Variants in PACS2 observed in about 807,000 individuals in gnomAD.
PACS2 encodes phosphofurin acidic cluster sorting protein 2.
A neutral mutation model predicts 113.0 loss-of-function variants in PACS2; 36 were observed. The observed-to-expected ratio is 0.32, with a 90% confidence interval of 0.24 to 0.42. The LOEUF is 0.42. PACS2 is among the 10% of genes least tolerant of loss of function. The pLI is 1.00. For synonymous variants in PACS2, 589 were observed against 536.1 expected (o/e 1.10, Z -1.36); for missense variants, 1,015 against 1,239.5 (o/e 0.82, Z 2.72).
chr14:105,326,772 T>C (rs1163680828), intron 1 of PACS2, among the ~76,000 whole-genome samples: 2 of 152,174 alleles, frequency 1.3e-5, no homozygotes, highest in Non-Finnish European at 2.9e-5. Flanking sequence ...CTGAGCGTGC[T>C]TTCTGCTATG....
At chr14:105,312,498 C>T (rs371348153), upstream of PACS2, among the ~76,000 whole-genome samples, 7 of 152,314 alleles carry the variant, frequency 4.6e-5, no homozygotes, top group African/African-American at 1.7e-4. Context: ...TGTCTCAAAC[C>T]AAGTTCCTGC....
chr14:105,324,192 G>A lies in PACS2; in HGVS notation c.119+9155G>A, dbSNP rs1174866272. 6.6e-6 allele frequency among the ~76,000 whole-genome samples: 1 copy of A among 152,234 alleles called. No homozygotes were observed. ...TCAGGAAGGTTTGATGGAGTGGGCAGCTGCGGTGCTGTGGCGGGGTCGGGG... is the reference window on the plus strand; with the variant it reads ...TCAGGAAGGTTTGATGGAGTGGGCAACTGCGGTGCTGTGGCGGGGTCGGGG... On this transcript the variant is annotated intron_variant, in intron 1 of 24. Coordinates refer to ENST00000447393, the MANE Select transcript of PACS2 (RefSeq NM_001100913.3). The surrounding 1 kb of genome is among the most constrained non-coding windows in gnomAD (Gnocchi z 4.7).
In PACS2 at chr14:105,358,162, C is replaced by G. The variant is rs2060527704; in HGVS notation, c.423+2985C>G. On this transcript the variant is annotated intron_variant, in intron 4 of 24. Coordinates refer to ENST00000447393, the MANE Select transcript of PACS2 (RefSeq NM_001100913.3). This position sits in a 1 kb window ranked among gnomAD's most constrained non-coding sequence, Gnocchi z 4.9. ...TTCTGTGTGAGCTGAGGCCCAGAGC[C>G]CTGGACTTACTCTGAGGCTGAGGAA... 6.6e-6 allele frequency among the ~76,000 whole-genome samples: 1 copy of G among 152,204 alleles called. No homozygotes were observed. The highest frequency in any genetic ancestry group is 2.1e-4 in the South Asian group (1 of 4,836).
chr14:105,315,286 C>T lies in PACS2; in HGVS notation c.119+249C>T, dbSNP rs1026570573. On this transcript the variant is annotated intron_variant, in intron 1 of 24. Transcript: ENST00000447393. The surrounding 1 kb of genome is among the most constrained non-coding windows in gnomAD (Gnocchi z 4.4). ...TTCCGAGGACCCGGTGCTGCTCAGA[C>T]CCGGCGGGACCTTGGGGCTCCCGGG... The T allele has an allele frequency of 1.3e-5, 2 of 158,754 alleles. No homozygotes were observed. Among genetic ancestry groups the T allele is most frequent in the African/African-American group, 2.4e-5 (1 of 41,576 alleles). 9.8% of individuals were successfully genotyped at this position (158,754 alleles called of 1,614,324 possible).
At position 105,317,845 on chromosome 14, in the gene PACS2, G is replaced by C. The variant is rs1275136378; in HGVS notation, c.119+2808G>C. Among the ~76,000 whole-genome samples, 1 of 152,174 alleles carries C rather than the reference G, an allele frequency of 6.6e-6. No individual in the cohort carries two copies. The highest frequency in any genetic ancestry group is 1.5e-5 in the Non-Finnish European group (1 of 68,038). ...CTCCTTCTGGGAGGCAGCCGGAGAAGTCTGCCCCCGGGAGCTTGAACTGGG... is the reference window on the plus strand; with the variant it reads ...CTCCTTCTGGGAGGCAGCCGGAGAACTCTGCCCCCGGGAGCTTGAACTGGG... On this transcript the variant is annotated intron_variant, in intron 1 of 24. Transcript: ENST00000447393. The surrounding 1 kb of genome is among the most constrained non-coding windows in gnomAD (Gnocchi z 4.2).
At chr14:105,302,191 C>CT (rs1301479101) in intron 1 of PACS2, among the ~76,000 whole-genome samples, 79 of 149,174 alleles carry the variant, frequency 5.3e-4, no homozygotes, top group Non-Finnish European at 8.9e-4. Flanking sequence ...ACCCCACCCT[C>CT]TTTTTTTTCT....
chr14:105,325,176 G>GC (rs956124611), intron 1 of PACS2, among the ~76,000 whole-genome samples: 1 of 151,640 alleles, frequency 6.6e-6, no homozygotes, highest in African/African-American at 2.4e-5. Flanking sequence ...GGACGGGGGG[G>GC]GGCTCGGACA....
chr14:105,314,844 C>A lies in PACS2; in HGVS notation c.-75C>A. On this transcript the variant is annotated 5_prime_UTR_variant, in exon 1 of 25. Transcript: ENST00000447393. ...TGTGACCGCGCCGCCGCCCTCCGCGCGCCCGGCCCGCCCGCCGCGCGTCCG... is the reference window on the plus strand; with the variant it reads ...TGTGACCGCGCCGCCGCCCTCCGCGAGCCCGGCCCGCCCGCCGCGCGTCCG... 2 of 603,304 alleles carry A rather than the reference C, an allele frequency of 3.3e-6. No individual in the cohort carries two copies. The highest frequency in any genetic ancestry group is 4.1e-6 in the Non-Finnish European group (2 of 485,518). The allele number at this position is 603,304 out of a possible 1,614,324, so 37.4% of individuals were successfully genotyped here.
rs1250511668 is a variant in PACS2, at chr14:105,366,421, C to T, written c.424-792C>T. On this transcript the variant is annotated intron_variant, in intron 4 of 24. Transcript: ENST00000447393. This position sits in a 1 kb window ranked among gnomAD's most constrained non-coding sequence, Gnocchi z 4.3. ...GATGTGAACCGATAGCCCCAAAAGG[C>T]GGCTTCTAGAGCACAGCTGGCCCCA... Among the ~76,000 whole-genome samples the T allele has an allele frequency of 9.9e-5, 15 of 152,234 alleles. No homozygotes were observed. The highest frequency in any genetic ancestry group is 3.1e-4 in the African/African-American group (13 of 41,464).
In PACS2 at chr14:105,379,803, C is replaced by T. The variant is rs782535850; in HGVS notation, c.1024C>T (p.Arg342Cys). ...QTEIGSIHSA[R>C]SHKEPPSPAD... is the part of the protein sequence containing the mutation. The stretch of plus-strand genomic sequence containing the variant: ...GGAGATTGGGAGCATCCACAGCGCC[C>T]GCAGCCACAAGGAGCCCCCAAGCCC... The change falls in exon 10 of 25, where the codon CGC becomes TGC. Residue 342 changes from arginine to cysteine, a missense_variant. Arg to Cys is a radical substitution (Grantham distance 180, BLOSUM62 -3). Around this residue, in one of 3 missense-constraint regions of PACS2, gnomAD observed 859 missense variants for 1,056.8 expected, o/e 0.81. Coordinates refer to ENST00000447393, the MANE Select transcript of PACS2 (RefSeq NM_001100913.3). 2.7e-5 allele frequency: 43 copies of T among 1,613,462 alleles called. No homozygotes were observed. The Admixed American group carries it at 6.3e-4, about 24-fold the overall frequency.
rs587600898 is a variant in PACS2 at position 105,327,261 on chromosome 14, G to T, written c.119+12224G>T. On this transcript the variant is annotated intron_variant, in intron 1 of 24. Coordinates refer to ENST00000447393, the MANE Select transcript of PACS2 (RefSeq NM_001100913.3). Reference sequence around the variant, plus strand: ...GGAAGGAGGGCAGGCCTTGGGGAGGGGTCCAGGAAGGTCGAGAGGCTGCAG... The same window carrying T: ...GGAAGGAGGGCAGGCCTTGGGGAGGTGTCCAGGAAGGTCGAGAGGCTGCAG... Among the ~76,000 whole-genome samples the T allele has an allele frequency of 5.3e-5, 8 of 152,338 alleles. No individual in the cohort carries two copies. In the South Asian group the frequency reaches 1.7e-3, roughly 32 times the overall value.
chr14:105,329,911 A>G lies in PACS2; in HGVS notation c.119+14874A>G, dbSNP rs2059240784. On this transcript the variant is annotated intron_variant, in intron 1 of 24. Transcript: ENST00000447393. This position sits in a 1 kb window ranked among gnomAD's most constrained non-coding sequence, Gnocchi z 6.4. ...AGCCCAGGAGCCAAGCACAGCCAGG[A>G]GATGAAACCCATCCCTGTGGTCTGC... 6.6e-6 allele frequency among the ~76,000 whole-genome samples: 1 copy of G among 152,124 alleles called. No individual in the cohort carries two copies. Among genetic ancestry groups the G allele is most frequent in the Non-Finnish European group, 1.5e-5 (1 of 68,002 alleles).
chr14:105,392,435 C>T, intron 22 of PACS2, 184 bp from the exon 23 acceptor site: 1 of 605,788 alleles, frequency 1.7e-6, no homozygotes, highest in Non-Finnish European at 2.9e-6. Context: ...TTAAGCAGGA[C>T]CCTTGTGGGG....
intron 1 of PACS2, among the ~76,000 whole-genome samples, chr14:105,320,332 T>C (rs587629564): frequency 6.6e-4 from 100 of 152,274 alleles, no homozygotes; most frequent in African/African-American, 2.4e-3. Context: ...TTAAGCATGT[T>C]GTATTACCCT....
rs1198183713 is a variant in PACS2 at position 105,330,292 on chromosome 14, C to G, written c.119+15255C>G. 6.8e-6 allele frequency among the ~76,000 whole-genome samples: 1 copy of G among 146,500 alleles called. No homozygotes were observed. The highest frequency in any genetic ancestry group is 1.5e-5 in the Non-Finnish European group (1 of 66,728). The stretch of plus-strand genomic sequence containing the variant: ...GTGTGGGACGGAATGGGGACAGGAG[C>G]CTCCGAGAAGCCTGGGGTCCGTGTG... On this transcript the variant is annotated intron_variant, in intron 1 of 24. Coordinates refer to ENST00000447393, the MANE Select transcript of PACS2 (RefSeq NM_001100913.3). The surrounding 1 kb of genome is among the most constrained non-coding windows in gnomAD (Gnocchi z 6.9).
At chr14:105,349,488 T>G (rs1267607456) in intron 2 of PACS2, among the ~76,000 whole-genome samples, 1 of 152,200 alleles carries the variant, frequency 6.6e-6, no homozygotes, top group Non-Finnish European at 1.5e-5. Context: ...CTGGCCGGAT[T>G]CTTGACACCT....
intron 1 of PACS2, among the ~76,000 whole-genome samples, chr14:105,334,517 A>G (rs1183429774): frequency 5.3e-5 from 8 of 150,162 alleles, no homozygotes; most frequent in Non-Finnish European, 1.2e-4. Flanking sequence ...CTGAGGCCCA[A>G]TATGTGCGTA....
Position 105,368,093 on chromosome 14 carries a change from G to A in PACS2, c.606G>A (p.Glu202=), listed in dbSNP as rs1595717943. Residue 202 remains glutamate, a synonymous_variant, in exon 6 of 25, where the codon GAG becomes GAA. Coordinates refer to ENST00000447393, the MANE Select transcript of PACS2 (RefSeq NM_001100913.3). ...CCGCAGATAACTACTCCGAGGAGGA[G>A]TATGAGAGCTTCTCCTCCGAGCAGG... ...AKSTDNYSEE[E]YESFSSEQEA... The A allele has an allele frequency of 1.2e-6, 2 of 1,610,812 alleles. No individual in the cohort carries two copies. The highest frequency in any genetic ancestry group is 1.7e-6 in the Non-Finnish European group (2 of 1,177,682).
At chr14:105,361,176 C>G (rs2060664741) in intron 4 of PACS2, among the ~76,000 whole-genome samples, 1 of 152,336 alleles carries the variant, frequency 6.6e-6, no homozygotes, top group South Asian at 2.1e-4. Flanking sequence ...CCATGAATCA[C>G]AGATGTTCTT....
Sources: gnomAD v4.1 joint callset for allele counts (sites outside exome capture counted in the v4.1 genomes callset) on GRCh38, gnomAD v4.1.1 for gene constraint, gnomAD v4.1.1 regional missense constraint, Gnocchi (gnomAD v3.1) non-coding constraint, MANE v1.5 for transcripts, NCBI Gene and HGNC (gene_info 2026-07-23, HGNC 2026-07-21) for gene names.